The following PAK2 variants were observed in gnomAD, a reference collection of about 807,000 sequenced individuals.
PAK2 encodes the protein p21 (RAC1) activated kinase 2.
PAK2 carries 21 observed loss-of-function variants against 65.9 expected under a neutral mutation model. The observed-to-expected ratio is 0.32, with a 90% confidence interval of 0.23 to 0.46. PAK2 has a LOEUF of 0.46. PAK2 is among the 20% of genes least tolerant of loss of function. PAK2 has a pLI of 1.00. For missense variants in PAK2, 324 were observed against 642.6 expected, an observed-to-expected ratio of 0.50 and a Z score of 5.36; for synonymous variants, 204 against 219.7, an observed-to-expected ratio of 0.93 and a Z score of 0.63.
At chr3:196,817,954 T>G in intron 11 of PAK2, 103 bp from the exon 12 acceptor site, 1 of 509,884 alleles carries the variant, frequency 2.0e-6, no homozygotes, top group South Asian at 3.6e-5. Flanking sequence ...TGGAGGGTCT[T>G]CTGCTGGGCA....
intron 1 of PAK2, among the ~76,000 whole-genome samples, chr3:196,781,519 C>G (rs947427780): frequency 2.0e-5 from 3 of 152,236 alleles, no homozygotes; most frequent in Non-Finnish European, 4.4e-5. Flanking sequence ...TGTGGCCACA[C>G]TCAGCCTTTC....
chr3:196,781,878 C>G (rs765402251), intron 1 of PAK2, among the ~76,000 whole-genome samples: 1 of 151,988 alleles, frequency 6.6e-6, no homozygotes, highest in Non-Finnish European at 1.5e-5. Flanking sequence ...CCAAGGTGGG[C>G]GGATCACCTG....
chr3:196,803,456 C>T (rs1452904772), intron 4 of PAK2, among the ~76,000 whole-genome samples: 1 of 152,062 alleles, frequency 6.6e-6, no homozygotes, highest in Admixed American at 6.6e-5. Context: ...TCATTTTTCA[C>T]TCTTCACTGC....
At chr3:196,757,795 A>C (rs1713818903) in intron 1 of PAK2, among the ~76,000 whole-genome samples, 1 of 152,116 alleles carries the variant, frequency 6.6e-6, no homozygotes, top group African/African-American at 2.4e-5. Flanking sequence ...TCTGCGATAA[A>C]TACCGAGAAT....
At chr3:196,747,627 C>G (rs1713432520) in intron 1 of PAK2, among the ~76,000 whole-genome samples, 1 of 152,044 alleles carries the variant, frequency 6.6e-6, no homozygotes. Context: ...TCTATGAAAA[C>G]TTAGAACATT....
chr3:196,822,725 A>G (rs7432972), intron 13 of PAK2, among the ~76,000 whole-genome samples: 47,261 of 151,950 alleles, frequency 0.31, 7,428 homozygotes, highest in South Asian at 0.36. Context: ...AATAAAATGT[A>G]AAATTAAATC....
At chr3:196,750,296 T>C (rs1453985460) in intron 1 of PAK2, among the ~76,000 whole-genome samples, 1 of 152,104 alleles carries the variant, frequency 6.6e-6, no homozygotes, top group Non-Finnish European at 1.5e-5. Flanking sequence ...GGCCTATACC[T>C]GGCTAATTTT....
chr3:196,786,166 C>CTT (rs201222000), intron 2 of PAK2, among the ~76,000 whole-genome samples: 63 of 142,344 alleles, frequency 4.4e-4, no homozygotes, highest in African/African-American at 7.0e-4. Context: ...ATCAATTTCT[C>CTT]TTTTTTTTTT....
intron 2 of PAK2, among the ~76,000 whole-genome samples, chr3:196,793,542 T>A (rs983886615): frequency 6.6e-6 from 1 of 152,128 alleles, no homozygotes; most frequent in Non-Finnish European, 1.5e-5. Context: ...TCACCCGACA[T>A]TTATGAAAAA....
At chr3:196,774,476 G>A (rs940988906) in intron 1 of PAK2, among the ~76,000 whole-genome samples, 3 of 152,196 alleles carry the variant, frequency 2.0e-5, no homozygotes, top group Non-Finnish European at 4.4e-5. Flanking sequence ...CTGACCTCAG[G>A]AAGGAAATCA....
rs1250143216 is a variant in PAK2 at position 196,829,328 on chromosome 3, A to T, written c.*923A>T. The T allele has an allele frequency of 6.6e-6, 1 of 152,508 alleles. No individual in the cohort carries two copies. Among genetic ancestry groups the T allele is most frequent in the African/African-American group, 2.4e-5 (1 of 41,416 alleles). 9.4% of individuals were successfully genotyped at this position (152,508 alleles called of 1,614,324 possible). A position where few individuals can be genotyped will look rare whatever the true frequency, so the allele number is the denominator to read the frequency against. ...CCTTTCCCCCTTCAATTTGGAAATA[A>T]ATTTCTGTATATGTTGCAATTTTAG... On this transcript the variant is annotated 3_prime_UTR_variant, in exon 15 of 15. Transcript: ENST00000327134.
At chr3:196,790,311 GTC>G (rs925514234) in intron 2 of PAK2, among the ~76,000 whole-genome samples, 1 of 152,178 alleles carries the variant, frequency 6.6e-6, no homozygotes, top group Non-Finnish European at 1.5e-5. Context: ...GTGACTCAGG[GTC>G]TCTGCCTCTT....
At chr3:196,751,052 C>T (rs1459750084) in intron 1 of PAK2, among the ~76,000 whole-genome samples, 1 of 152,118 alleles carries the variant, frequency 6.6e-6, no homozygotes, top group Non-Finnish European at 1.5e-5. Context: ...CTACCTCCAG[C>T]CCCCAGTAGC....
intron 4 of PAK2, among the ~76,000 whole-genome samples, chr3:196,803,902 T>A (rs958817360): frequency 6.6e-6 from 1 of 152,184 alleles, no homozygotes; most frequent in African/African-American, 2.4e-5. Flanking sequence ...TTAAAAATAG[T>A]TTTTGTTCAA....
rs190518787 is a variant in PAK2 at position 196,754,520 on chromosome 3, G to C, written c.-22+14363G>C. ...TCATATGGTATTCTGGGCTAGGGTA[G>C]TAGGATCTTACCCTACCCTGTTTCT... On this transcript the variant is annotated intron_variant, in intron 1 of 14. Transcript: ENST00000327134. Among the ~76,000 whole-genome samples, 151 of 152,294 alleles carry C rather than the reference G, an allele frequency of 9.9e-4. 1 individual carries two copies. The highest frequency in any genetic ancestry group is 3.5e-3 in the African/African-American group (145 of 41,562).
At chr3:196,806,037 G>C (rs1016659337) in intron 5 of PAK2, among the ~76,000 whole-genome samples, 1 of 151,746 alleles carries the variant, frequency 6.6e-6, no homozygotes, top group Admixed American at 6.6e-5. Flanking sequence ...TCAGCCTCCC[G>C]AGTAGCTGGG....
intron 7 of PAK2, among the ~76,000 whole-genome samples, chr3:196,809,543 C>T (rs1182606986): frequency 6.6e-6 from 1 of 150,586 alleles, no homozygotes; most frequent in Non-Finnish European, 1.5e-5. Context: ...GGGGTTTCAC[C>T]ATGTTGGCTG....
intron 1 of PAK2, among the ~76,000 whole-genome samples, chr3:196,748,377 T>C (rs1713461213): frequency 6.6e-6 from 1 of 152,168 alleles, no homozygotes; most frequent in Non-Finnish European, 1.5e-5. Flanking sequence ...GGTTTGCTCG[T>C]ATGGTATTGT....
intron 1 of PAK2, among the ~76,000 whole-genome samples, chr3:196,770,519 C>T (rs774724352): frequency 6.6e-6 from 1 of 151,798 alleles, no homozygotes; most frequent in Admixed American, 6.6e-5. Flanking sequence ...CTGGGCAACA[C>T]GGCAAGACCC....
Sources: allele counts gnomAD v4.1 joint callset (sites outside exome capture counted in the v4.1 genomes callset), GRCh38; gene constraint gnomAD v4.1.1; transcripts MANE v1.5; gene names NCBI Gene and HGNC (gene_info 2026-07-23, HGNC 2026-07-21).